Variants in ERC2 observed in about 807,000 individuals in gnomAD.
The protein encoded by ERC2 is ERC protein 2.
Under a neutral mutation model 114.8 loss-of-function variants are expected in ERC2, and 42 were observed. That is an observed-to-expected ratio of 0.37 (90% CI 0.29 to 0.47). ERC2 has a LOEUF of 0.47. Among genes scored for constraint, ERC2 ranks in the 20% least tolerant of loss-of-function variants. The pLI, the probability that ERC2 is intolerant of heterozygous loss-of-function variation, is 0.99. For synonymous variants in ERC2, 454 were observed against 425.5 expected (o/e 1.07, Z -0.82); for missense variants, 939 against 1,150.7 (o/e 0.82, Z 2.66).
chr3:56,302,932 C>T, intron 2 of ERC2, among the ~76,000 whole-genome samples: 1 of 152,234 alleles, frequency 6.6e-6, no homozygotes, highest in East Asian at 1.9e-4. Flanking sequence ...CCCAGTCAAA[C>T]TGCTGTCAAC....
intron 10 of ERC2, among the ~76,000 whole-genome samples, 169 bp downstream of exon 10, chr3:56,007,012 C>T (rs1407164346): frequency 6.6e-6 from 1 of 152,034 alleles, no homozygotes; most frequent in Non-Finnish European, 1.5e-5. Context: ...GGTTTACAGA[C>T]AGATTTGATA....
intron 10 of ERC2, among the ~76,000 whole-genome samples, chr3:55,994,647 TAAAAA>T (rs10662566): frequency 2.1e-4 from 13 of 61,396 alleles, no homozygotes; most frequent in African/African-American, 7.7e-4. Context: ...ACATACTCCC[TAAAAA>T]AAAAAAAAAA....
At chr3:55,629,320 T>C (rs75776816) in intron 17 of ERC2, among the ~76,000 whole-genome samples, 2,558 of 152,312 alleles carry the variant, frequency 0.017, 77 homozygotes, top group African/African-American at 0.057. Flanking sequence ...TTAAGCTGCT[T>C]CTGCTTTGAT....
chr3:56,356,991 G>T (rs1489214113), intron 2 of ERC2, among the ~76,000 whole-genome samples: 1 of 152,182 alleles, frequency 6.6e-6, no homozygotes, highest in African/African-American at 2.4e-5. Context: ...TAGAGTTTAG[G>T]CATGAAATCA....
chr3:55,770,061 T>C (rs2068084298), intron 14 of ERC2, among the ~76,000 whole-genome samples: 1 of 152,206 alleles, frequency 6.6e-6, no homozygotes. Flanking sequence ...GAGAAAGTAA[T>C]GCGTGCAAAC....
At chr3:55,972,802 A>G (rs763144459) in intron 12 of ERC2, among the ~76,000 whole-genome samples, 9 of 152,184 alleles carry the variant, frequency 5.9e-5, no homozygotes, top group Non-Finnish European at 1.0e-4. Flanking sequence ...ATCAGGGAGT[A>G]ACATTAAATT....
intron 7 of ERC2, among the ~76,000 whole-genome samples, chr3:56,033,030 CAGAAAG>C (rs1234177372): frequency 1.8e-4 from 12 of 65,186 alleles, no homozygotes; most frequent in Non-Finnish European, 4.1e-4. Flanking sequence ...AAAAAAGAAA[CAGAAAG>C]AAAGAAAGAA....
At chr3:56,171,536 C>T (rs1000164446) in intron 4 of ERC2, among the ~76,000 whole-genome samples, 1 of 152,176 alleles carries the variant, frequency 6.6e-6, no homozygotes, top group Non-Finnish European at 1.5e-5. Context: ...ATTAGCAACA[C>T]TGGCATCCAT....
At chr3:55,814,858 ATGGTGTT>A (rs2059851210) in intron 14 of ERC2, among the ~76,000 whole-genome samples, 1 of 152,214 alleles carries the variant, frequency 6.6e-6, no homozygotes, top group Non-Finnish European at 1.5e-5. Flanking sequence ...TAAAATAGGC[ATGGTGTT>A]TGGCAAGAAG....
Position 55,655,067 on chromosome 3 carries a change from G to A in ERC2, c.*39+28727C>T, listed in dbSNP as rs533170324. On this transcript the variant is annotated intron_variant, in intron 17 of 17. Transcript: ENST00000288221. ...ATTGATGCCCCTTGGAGCAGCCCTC[G>A]GCCGATGACCGTCAGGAATGAAGAC... Among the ~76,000 whole-genome samples, 5 of 152,004 alleles carry A rather than the reference G, an allele frequency of 3.3e-5. No individual in the cohort carries two copies. The South Asian group carries it at 1.0e-3, about 32-fold the overall frequency.
chr3:56,218,547 G>A (rs1166529774), intron 3 of ERC2, among the ~76,000 whole-genome samples: 1 of 152,222 alleles, frequency 6.6e-6, no homozygotes, highest in Non-Finnish European at 1.5e-5. Context: ...TGGTGGGACT[G>A]TAAACTAGTT....
intron 17 of ERC2, among the ~76,000 whole-genome samples, chr3:55,625,158 A>G (rs1177308753): frequency 6.6e-6 from 1 of 151,656 alleles, no homozygotes; most frequent in Admixed American, 6.6e-5. Context: ...ACTTGAGGTC[A>G]GGAGTTCGAG....
At chr3:55,846,222 C>T (rs2061356454) in intron 14 of ERC2, among the ~76,000 whole-genome samples, 1 of 152,122 alleles carries the variant, frequency 6.6e-6, no homozygotes, top group African/African-American at 2.4e-5. Flanking sequence ...CATTTGGCTC[C>T]CTCTTATAAA....
intron 14 of ERC2, among the ~76,000 whole-genome samples, chr3:55,814,216 T>A (rs541953903): frequency 2.2e-4 from 34 of 152,206 alleles, no homozygotes; most frequent in Non-Finnish European, 4.0e-4. Flanking sequence ...AGATTTAAAT[T>A]AGAAGATTTT....
chr3:55,717,746 G>A (rs535403637), intron 15 of ERC2, among the ~76,000 whole-genome samples: 1 of 152,230 alleles, frequency 6.6e-6, no homozygotes, highest in South Asian at 2.1e-4. Flanking sequence ...TGCATTCTCT[G>A]AGTTTGAGAA....
At chr3:56,242,697 T>G (rs1221051408) in intron 3 of ERC2, among the ~76,000 whole-genome samples, 4 of 152,016 alleles carry the variant, frequency 2.6e-5, no homozygotes, top group Admixed American at 2.6e-4. Flanking sequence ...TTGAAAATTA[T>G]TATGTTCTTC....
At chr3:55,867,412 T>C (rs1025802842) in intron 14 of ERC2, among the ~76,000 whole-genome samples, 3 of 152,168 alleles carry the variant, frequency 2.0e-5, no homozygotes, top group Non-Finnish European at 4.4e-5. Context: ...GTTCTGAATC[T>C]AAGCTGTAAG....
chr3:56,082,068 T>C (rs1203971548), intron 6 of ERC2, among the ~76,000 whole-genome samples: 2 of 150,362 alleles, frequency 1.3e-5, no homozygotes, highest in African/African-American at 4.9e-5. Flanking sequence ...TTTACTTTTT[T>C]TATTGGATAT....
chr3:56,446,135 A>C (rs2062551283), intron 1 of ERC2, among the ~76,000 whole-genome samples: 1 of 152,190 alleles, frequency 6.6e-6, no homozygotes. Flanking sequence ...GTCTTTATGC[A>C]CAATGATCCG....
Sources: allele counts gnomAD v4.1 joint callset (sites outside exome capture counted in the v4.1 genomes callset), GRCh38; gene constraint gnomAD v4.1.1; transcripts MANE v1.5; gene names NCBI Gene and HGNC (gene_info 2026-07-23, HGNC 2026-07-21).